The following AAK1 variants were observed in gnomAD, a reference collection of about 807,000 sequenced individuals.
The protein encoded by AAK1 is AP2 associated kinase 1.
AAK1 carries 37 observed loss-of-function variants against 116.0 expected under a neutral mutation model. The observed-to-expected ratio is 0.32, with a 90% CI of 0.25 to 0.42. The LOEUF is 0.42. AAK1 is among the 10% of genes least tolerant of loss of function. The pLI, the probability that AAK1 is intolerant of heterozygous loss-of-function variation, is 1.00. For missense variants in AAK1, 919 were observed against 1,170.6 expected (o/e 0.79, Z 3.14); for synonymous variants, 458 against 439.9 (o/e 1.04, Z -0.51).
At chr2:69,604,013 T>C (rs924317800) in intron 2 of AAK1, among the ~76,000 whole-genome samples, 3 of 152,232 alleles carry the variant, frequency 2.0e-5, no homozygotes, top group African/African-American at 7.2e-5. Context: ...CAAATAACTT[T>C]CCTTGCAAAA....
chr2:69,465,943 A>G lies in AAK1; in HGVS notation c.*9926T>C, dbSNP rs1014780579. On this transcript the variant is annotated 3_prime_UTR_variant, in exon 22 of 22. Coordinates refer to ENST00000409085, the MANE Select transcript of AAK1 (RefSeq NM_014911.5). ...TGTGCAGGCAGCTCCTGGGAGGTGC[A>G]TTGGATAACTGTTAACTCCTCCATG... 3 of 1,290,740 alleles carry G rather than the reference A, an allele frequency of 2.3e-6. No individual in the cohort carries two copies. The highest frequency in any genetic ancestry group is 2.0e-6 in the Non-Finnish European group (2 of 988,880). The allele number at this position is 1,290,740 out of a possible 1,614,324, so 80.0% of individuals were successfully genotyped here. A position where few individuals can be genotyped will look rare whatever the true frequency, so the allele number is the denominator to read the frequency against.
At position 69,520,958 on chromosome 2, in the gene AAK1, A is replaced by C. The variant is rs1234276616; in HGVS notation, c.1086T>G (p.Thr362=). The C allele has an allele frequency of 6.2e-7, 1 of 1,613,762 alleles. No homozygotes were observed. Among genetic ancestry groups the C allele is most frequent in the African/African-American group, 1.3e-5 (1 of 74,912 alleles). ...RLTDPIPTTE[T]SIAPRQRPKA... is the part of the protein sequence containing the mutation. ...TAGGCCTCTGGCGGGGTGCAATTGA[A>C]GTCTCTGTGGTGGGAATGGGATCTG... Residue 362 remains threonine (T), a synonymous_variant, in exon 11 of 22, where the codon ACT becomes ACG. Coordinates refer to ENST00000409085, the MANE Select transcript of AAK1 (RefSeq NM_014911.5).
chr2:69,635,767 G>T (rs1255095030), intron 2 of AAK1, among the ~76,000 whole-genome samples: 1 of 152,176 alleles, frequency 6.6e-6, no homozygotes, highest in Non-Finnish European at 1.5e-5. Context: ...TGGAGCGCTG[G>T]TTGCCAGAGG....
At chr2:69,501,081 C>G (rs558227226) in intron 16 of AAK1, among the ~76,000 whole-genome samples, 1 of 152,208 alleles carries the variant, frequency 6.6e-6, no homozygotes, top group East Asian at 1.9e-4. Context: ...CAAACTATAT[C>G]CTACCCAGGT....
Position 69,527,318 on chromosome 2 carries a change from C to T in AAK1, c.873G>A (p.Arg291=), listed in dbSNP as rs1670067232. The T allele has an allele frequency of 6.3e-7, 1 of 1,577,428 alleles. No individual in the cohort carries two copies. Among genetic ancestry groups the T allele is most frequent in the African/African-American group, 1.3e-5 (1 of 74,248 alleles). ...RYSQDMHCLI[R]YMLEPDPDKR... The stretch of plus-strand genomic sequence containing the variant: ...TGTCAGGGTCTGGTTCCAACATATA[C>T]CCTAAGGCAAACATGTGAATTTATT... The change falls in exon 9 of 22, where the codon AGG becomes AGA. Residue 291 remains arginine, a splice_region_variant and synonymous_variant. Transcript: ENST00000409085.
intron 5 of AAK1, among the ~76,000 whole-genome samples, chr2:69,538,239 A>G (rs1670560018): frequency 6.6e-6 from 1 of 152,264 alleles, no homozygotes; most frequent in South Asian, 2.1e-4. Context: ...TAAAGCACTG[A>G]GGGCTGGCTG....
At chr2:69,623,120 C>T (rs1486112231) in intron 2 of AAK1, among the ~76,000 whole-genome samples, 1 of 152,064 alleles carries the variant, frequency 6.6e-6, no homozygotes, top group South Asian at 2.1e-4. Context: ...CCTTTATGAG[C>T]TGTAACACTC....
At chr2:69,561,713 G>T (rs1671650658) in intron 2 of AAK1, among the ~76,000 whole-genome samples, 1 of 152,198 alleles carries the variant, frequency 6.6e-6, no homozygotes, top group Non-Finnish European at 1.5e-5. Flanking sequence ...CATCACTGCA[G>T]ATAGTTCTTC....
At chr2:69,583,355 A>C (rs145102953) in intron 2 of AAK1, among the ~76,000 whole-genome samples, 2 of 152,350 alleles carry the variant, frequency 1.3e-5, no homozygotes, top group Non-Finnish European at 2.9e-5. Context: ...AAATTAAAAG[A>C]AGCTCCCTGA....
chr2:69,515,065 A>G (rs1004081420), intron 12 of AAK1, among the ~76,000 whole-genome samples: 9 of 152,342 alleles, frequency 5.9e-5, no homozygotes, highest in Non-Finnish European at 1.0e-4. Flanking sequence ...TCCATAAGCT[A>G]GAGTATAGCA....
At chr2:69,538,300 C>A (rs574640900) in intron 5 of AAK1, among the ~76,000 whole-genome samples, 2 of 152,224 alleles carry the variant, frequency 1.3e-5, no homozygotes, top group African/African-American at 4.8e-5. Context: ...CAGTTTGCTC[C>A]GCATTCCCCT....
At chr2:69,489,487 T>A (rs1675438305) in intron 17 of AAK1, among the ~76,000 whole-genome samples, 1 of 149,700 alleles carries the variant, frequency 6.7e-6, no homozygotes, top group Non-Finnish European at 1.5e-5. Flanking sequence ...TATCTACTTA[T>A]ACAGGCTAAT....
At position 69,526,974 on chromosome 2, in the gene AAK1, C is replaced by A. The variant is rs541716369; in HGVS notation, c.975+242G>T. ...GAAGTTGGTCAATCTTCATCCAAAG[C>A]GTCCAACTCAATCCCTAGGGCATTT... is the stretch of plus-strand genomic sequence containing the variant. On this transcript the variant is annotated intron_variant, in intron 9 of 21. Transcript: ENST00000409085. Among the ~76,000 whole-genome samples the A allele has an allele frequency of 2.0e-5, 3 of 152,152 alleles. No individual in the cohort carries two copies. In the South Asian group the frequency reaches 6.2e-4, roughly 32 times the overall value.
At chr2:69,520,358 CTTTTTTTTTTT>C (rs71397334) in intron 11 of AAK1, among the ~76,000 whole-genome samples, 3 of 127,420 alleles carry the variant, frequency 2.4e-5, no homozygotes, top group Non-Finnish European at 4.9e-5. Context: ...CAATTCTTTT[CTTTTTTTTTTT>C]TTTTTTTTGA....
chr2:69,543,553 G>A (rs1670809425), intron 4 of AAK1, among the ~76,000 whole-genome samples: 1 of 151,974 alleles, frequency 6.6e-6, no homozygotes, highest in Non-Finnish European at 1.5e-5. Context: ...GATTACAGGT[G>A]CGCACCACCA....
intron 9 of AAK1, among the ~76,000 whole-genome samples, chr2:69,526,077 A>G (rs1670010718): frequency 6.6e-6 from 1 of 152,136 alleles, no homozygotes; most frequent in African/African-American, 2.4e-5. Flanking sequence ...CCCAAAGGAG[A>G]AGAGTTGACT....
chr2:69,473,566 C>T lies in AAK1; in HGVS notation c.*2303G>A. On this transcript the variant is annotated 3_prime_UTR_variant, in exon 22 of 22. Transcript: ENST00000409085. Reference sequence around the variant, plus strand: ...CTAGTCTGCTCATTTTCATTAACTGCCTCCATTAAGCTTTACTGAGCCAAA... The same window carrying T: ...CTAGTCTGCTCATTTTCATTAACTGTCTCCATTAAGCTTTACTGAGCCAAA... The T allele has an allele frequency of 1.0e-6, 1 of 985,356 alleles. No homozygotes were observed. Among genetic ancestry groups the T allele is most frequent in the South Asian group, 4.7e-5 (1 of 21,272 alleles). 61.0% of individuals were successfully genotyped at this position (985,356 alleles called of 1,614,324 possible).
At chr2:69,509,528 A>G (rs530589173) in intron 13 of AAK1, 68 bp from the exon 14 acceptor site, 66 of 1,359,224 alleles carry the variant, frequency 4.9e-5, no homozygotes, top group Middle Eastern at 1.9e-4. Context: ...AAACAAACAG[A>G]TAAGTGTAAC....
intron 5 of AAK1, among the ~76,000 whole-genome samples, chr2:69,536,395 G>C (rs543140600): frequency 1.3e-5 from 2 of 152,076 alleles, no homozygotes; most frequent in Non-Finnish European, 2.9e-5. Flanking sequence ...ACAACAGTCT[G>C]GGTGTGAGAT....
Sources: allele counts gnomAD v4.1 joint callset (sites outside exome capture counted in the v4.1 genomes callset), GRCh38; gene constraint gnomAD v4.1.1; transcripts MANE v1.5; gene names NCBI Gene and HGNC (gene_info 2026-07-23, HGNC 2026-07-21).